TCF7L1: variants seen among roughly 807,000 people sequenced by gnomAD.
TCF7L1 encodes the protein transcription factor 7-like 1.
Under a neutral mutation model 63.7 loss-of-function variants are expected in TCF7L1, and 18 were observed. The observed-to-expected ratio is 0.28, with a 90% CI of 0.20 to 0.42. The LOEUF is 0.42. Among genes scored for constraint, TCF7L1 ranks in the 10% least tolerant of loss-of-function variants. The pLI, the probability that TCF7L1 is intolerant of heterozygous loss-of-function variation, is 1.00. For missense variants in TCF7L1, 654 were observed against 779.3 expected (o/e 0.84, Z 1.91); for synonymous variants, 355 against 340.9 (o/e 1.04, Z -0.46).
At chr2:85,299,636 G>A (rs1681916123) in intron 4 of TCF7L1, among the ~76,000 whole-genome samples, 1 of 151,932 alleles carries the variant, frequency 6.6e-6, no homozygotes, top group Non-Finnish European at 1.5e-5. Flanking sequence ...GGAGACCAAG[G>A]TGGATGGATT....
intron 3 of TCF7L1, among the ~76,000 whole-genome samples, chr2:85,232,775 G>A (rs1489968981): frequency 6.6e-6 from 1 of 152,042 alleles, no homozygotes; most frequent in African/African-American, 2.4e-5. Flanking sequence ...ACTTATCCAC[G>A]CAGTGCTTCA....
intron 3 of TCF7L1, among the ~76,000 whole-genome samples, chr2:85,216,053 C>G (rs1679699293): frequency 6.6e-6 from 1 of 152,102 alleles, no homozygotes; most frequent in Non-Finnish European, 1.5e-5. Flanking sequence ...TGTGGTGATG[C>G]TGGCCTGGGT....
chr2:85,165,444 CAAGT>C (rs1310093353), intron 3 of TCF7L1, among the ~76,000 whole-genome samples: 2 of 152,218 alleles, frequency 1.3e-5, no homozygotes, highest in African/African-American at 4.8e-5. Flanking sequence ...CAGTCAGTCT[CAAGT>C]GAGTGGGGCT....
intron 3 of TCF7L1, among the ~76,000 whole-genome samples, chr2:85,215,779 A>AG (rs1679688897): frequency 1.2e-4 from 1 of 8,462 alleles, no homozygotes; most frequent in Non-Finnish European, 2.5e-4. Flanking sequence ...GGGGGGGGTG[A>AG]GGGGGGTGGT....
intron 3 of TCF7L1, among the ~76,000 whole-genome samples, chr2:85,264,115 C>CT (rs1680917040): frequency 6.6e-6 from 1 of 152,160 alleles, no homozygotes; most frequent in Non-Finnish European, 1.5e-5. Context: ...GCCCATCCAA[C>CT]TGTGGGTCTC....
chr2:85,220,558 G>T (rs993098501), intron 3 of TCF7L1, among the ~76,000 whole-genome samples: 4 of 151,898 alleles, frequency 2.6e-5, no homozygotes, highest in Non-Finnish European at 5.9e-5. Context: ...TAGAGACAGG[G>T]TTTCACCATG....
intron 3 of TCF7L1, among the ~76,000 whole-genome samples, chr2:85,271,261 C>T (rs750832685): frequency 1.3e-4 from 20 of 152,054 alleles, no homozygotes; most frequent in Non-Finnish European, 7.4e-5. Flanking sequence ...TACAGGCACC[C>T]GCCACCACAC....
intron 3 of TCF7L1, among the ~76,000 whole-genome samples, chr2:85,282,774 A>T (rs1382086650): frequency 7.2e-6 from 1 of 137,946 alleles, no homozygotes; most frequent in Non-Finnish European, 1.6e-5. Context: ...GGACTGTGCC[A>T]TGCCAGAGAG....
At chr2:85,280,480 C>G (rs866696825) in intron 3 of TCF7L1, among the ~76,000 whole-genome samples, 10 of 152,128 alleles carry the variant, frequency 6.6e-5, no homozygotes, top group Admixed American at 1.3e-4. Flanking sequence ...TGGACCACCC[C>G]CATATGATCT....
intron 3 of TCF7L1, among the ~76,000 whole-genome samples, chr2:85,173,221 G>A (rs546425193): frequency 3.9e-5 from 6 of 152,110 alleles, no homozygotes; most frequent in Non-Finnish European, 5.9e-5. Flanking sequence ...GGGCCTCACC[G>A]GGTGACTGAT....
intron 3 of TCF7L1, among the ~76,000 whole-genome samples, chr2:85,252,134 C>G (rs1001067638): frequency 6.6e-6 from 1 of 152,144 alleles, no homozygotes; most frequent in African/African-American, 2.4e-5. Context: ...TTGGGTGGTA[C>G]AGTGACAAGA....
chr2:85,173,349 A>G (rs1558623726), intron 3 of TCF7L1, among the ~76,000 whole-genome samples: 1 of 152,058 alleles, frequency 6.6e-6, no homozygotes, highest in Non-Finnish European at 1.5e-5. Context: ...TCCAAACAGC[A>G]GGTAGGTGTT....
rs139889356 is a variant in TCF7L1, at chr2:85,163,630, C to T, written c.441+29180C>T. Among the ~76,000 whole-genome samples the T allele has an allele frequency of 2.5e-3, 374 of 152,166 alleles. 4 individuals carry two copies. Among genetic ancestry groups the T allele is most frequent in the African/African-American group, 8.4e-3 (348 of 41,486 alleles). ...TGTTAGGGCTGCCATAACAAAGTACCGCATGCTAGGAGGCTTAAACAACAG... is the reference window on the plus strand; with the variant it reads ...TGTTAGGGCTGCCATAACAAAGTACTGCATGCTAGGAGGCTTAAACAACAG... On this transcript the variant is annotated intron_variant, in intron 3 of 11. Coordinates refer to ENST00000282111, the MANE Select transcript of TCF7L1 (RefSeq NM_031283.3).
intron 3 of TCF7L1, among the ~76,000 whole-genome samples, chr2:85,168,489 G>T (rs1324816706): frequency 1.3e-5 from 2 of 152,176 alleles, no homozygotes; most frequent in Middle Eastern, 3.2e-3. Flanking sequence ...ACCTCAGGTG[G>T]TGTGGGGGTG....
intron 3 of TCF7L1, among the ~76,000 whole-genome samples, chr2:85,230,905 A>G (rs1195243625): frequency 6.6e-6 from 1 of 152,168 alleles, no homozygotes; most frequent in East Asian, 1.9e-4. Context: ...ATTTGCTGTT[A>G]GTTTTCCATA....
At chr2:85,236,171 C>G (rs927715212) in intron 3 of TCF7L1, among the ~76,000 whole-genome samples, 5 of 132,532 alleles carry the variant, frequency 3.8e-5, no homozygotes, top group Non-Finnish European at 7.5e-5. Context: ...CCATCCCCCC[C>G]CCAAAAAAAA....
chr2:85,236,479 A>G (rs1680195273), intron 3 of TCF7L1, among the ~76,000 whole-genome samples: 2 of 152,098 alleles, frequency 1.3e-5, no homozygotes, highest in African/African-American at 4.8e-5. Context: ...AGGCCTCTGG[A>G]TGCAATTGTG....
intron 3 of TCF7L1, among the ~76,000 whole-genome samples, chr2:85,143,125 G>C (rs1487374307): frequency 6.6e-6 from 1 of 152,184 alleles, no homozygotes; most frequent in African/African-American, 2.4e-5. Context: ...GACAGGAAAT[G>C]AGCTCACACT....
chr2:85,285,139 AG>A (rs752770732), intron 4 of TCF7L1, among the ~76,000 whole-genome samples: 13 of 152,256 alleles, frequency 8.5e-5, no homozygotes, highest in Non-Finnish European at 1.9e-4. Flanking sequence ...AGGCTGAGGC[AG>A]GAGAATGGTG....
Sources: allele counts gnomAD v4.1 joint callset (sites outside exome capture counted in the v4.1 genomes callset), GRCh38; gene constraint gnomAD v4.1.1; transcripts MANE v1.5; gene names NCBI Gene and HGNC (gene_info 2026-07-23, HGNC 2026-07-21).